TSLP: variants seen among roughly 807,000 people sequenced by gnomAD.
TSLP encodes the protein thymic stromal lymphopoietin, also known as thymic stroma-derived lymphopoietin.
TSLP carries 12 observed loss-of-function variants against 12.4 expected under a neutral mutation model. The observed-to-expected ratio is 0.97, with a 90% CI of 0.62 to 1.57. The LOEUF is 1.57. Ranked by LOEUF, TSLP falls within the 40% of genes most tolerant of loss-of-function variation. TSLP has a pLI of 0.00. For missense variants in TSLP, 222 were observed against 189.6 expected, an observed-to-expected ratio of 1.17 and a Z score of -1.00; for synonymous variants, 97 against 69.5, an observed-to-expected ratio of 1.40 and a Z score of -1.97.
At position 111,071,879 on chromosome 5, in the gene TSLP, G is replaced by C; in HGVS notation, c.-12G>C. On this transcript the variant is annotated 5_prime_UTR_variant, in exon 1 of 4. Transcript: ENST00000344895. ...TTTAGTGTGAAACTGGGGTGGAATTGGGTGTCCACGTATGTTCCCTTTTGC... is the reference window on the plus strand; with the variant it reads ...TTTAGTGTGAAACTGGGGTGGAATTCGGTGTCCACGTATGTTCCCTTTTGC... 5.0e-6 allele frequency: 8 copies of C among 1,611,068 alleles called. No individual in the cohort carries two copies. The highest frequency in any genetic ancestry group is 5.9e-6 in the Non-Finnish European group (7 of 1,177,584).
At chr5:111,074,642 T>C (rs917535129) in intron 3 of TSLP, among the ~76,000 whole-genome samples, 1 of 150,106 alleles carries the variant, frequency 6.7e-6, no homozygotes, top group East Asian at 1.9e-4. Context: ...TTTTTTTTTT[T>C]TTTTTTGAGA....
Position 111,075,952 on chromosome 5 carries a change from G to A in TSLP, c.358G>A (p.Ala120Thr). 1 of 1,612,874 alleles carries A rather than the reference G, an allele frequency of 6.2e-7. No homozygotes were observed. Among genetic ancestry groups the A allele is most frequent in the Non-Finnish European group, 8.5e-7 (1 of 1,179,714 alleles). The change falls in exon 4 of 4, where the codon GCT (alanine) becomes ACT (threonine). Residue 120 changes from alanine (A) to threonine (T), a missense_variant. Ala to Thr is a moderately conservative substitution (Grantham distance 58, BLOSUM62 0). Transcript: ENST00000344895. ...TGATTCTTATATTCTGCAGATAAAT[G>A]CTACTCAGGCAATGAAGAAGAGGAG... is the stretch of plus-strand genomic sequence containing the variant. The part of the protein sequence containing the change: ...CPGYSETQIN[A>T]TQAMKKRRKR...
Position 111,076,204 on chromosome 5 carries a change from AACTT to A in TSLP, c.*135_*138del. On this transcript the variant is annotated 3_prime_UTR_variant, in exon 4 of 4. Transcript: ENST00000344895. ...TCTTTTAATTACAGAAGAGTTTCTT[AACTT>A]ACTTTTGTAAGTTTTTATTGTGTAA... is the stretch of plus-strand genomic sequence containing the variant. 1.7e-6 allele frequency: 2 copies of A among 1,143,060 alleles called. No individual in the cohort carries two copies. The allele number at this position is 1,143,060 out of a possible 1,614,324, so 70.8% of individuals were successfully genotyped here.
chr5:111,076,012 C>A lies in TSLP; in HGVS notation c.418C>A (p.Gln140Lys), dbSNP rs372152752. The change falls in exon 4 of 4, where the codon CAA becomes AAA. Residue 140 changes from glutamine (Q) to lysine (K), a missense_variant. Gln to Lys is a moderately conservative substitution (Grantham distance 53). Coordinates refer to ENST00000344895, the MANE Select transcript of TSLP (RefSeq NM_033035.5). ...AGTCACAACCAATAAATGTCTGGAACAAGTGTCACAATTACAAGGATTGTG... is the reference window on the plus strand; with the variant it reads ...AGTCACAACCAATAAATGTCTGGAAAAAGTGTCACAATTACAAGGATTGTG... Reference protein sequence around the residue: ...RKVTTNKCLEQVSQLQGLWRR... With the variant: ...RKVTTNKCLEKVSQLQGLWRR... 3.1e-6 allele frequency: 5 copies of A among 1,614,102 alleles called. No individual in the cohort carries two copies. Among genetic ancestry groups the A allele is most frequent in the Non-Finnish European group, 4.2e-6 (5 of 1,179,988 alleles).
rs866770629 is a variant in TSLP, at chr5:111,075,870, G to A, written c.352-76G>A. The A allele has an allele frequency of 7.4e-5, 108 of 1,462,898 alleles. No individual in the cohort carries two copies. The African/African-American group carries it at 1.2e-3, about 16-fold the overall frequency. 90.6% of individuals were successfully genotyped at this position (1,462,898 alleles called of 1,614,324 possible). On this transcript the variant is annotated intron_variant, in intron 3 of 3. Coordinates refer to ENST00000344895, the MANE Select transcript of TSLP (RefSeq NM_033035.5). The stretch of plus-strand genomic sequence containing the variant: ...CTGAAAGATGGATTTGCATAGAGAA[G>A]GCAATTAAACCTGCTCTCAACAGTT...
At chr5:111,071,613 TATA>T (rs1752339620), upstream of TSLP, 1 of 1,481,086 alleles carries the variant, frequency 6.8e-7, no homozygotes, top group African/African-American at 1.4e-5. Context: ...TTCAGAATTC[TATA>T]AAGGAAGAGA....
upstream of TSLP, chr5:111,071,459 CG>C (rs1485794874): frequency 2.0e-6 from 3 of 1,533,258 alleles, no homozygotes; most frequent in African/African-American, 2.8e-5. Flanking sequence ...CACTGGTATC[CG>C]TTTCTTAAAG....
In TSLP at chr5:111,073,654, G is replaced by A; in HGVS notation, c.351+9G>A. The A allele has an allele frequency of 1.2e-6, 2 of 1,614,090 alleles. No individual in the cohort carries two copies. Among genetic ancestry groups the A allele is most frequent in the Admixed American group, 1.7e-5 (1 of 60,016 alleles). On this transcript the variant is annotated intron_variant, in intron 3 of 3. Transcript: ENST00000344895. ...GCTATTCGGAAACTCAGGTAAGCCC[G>A]AAGCCTCAGACGTTTGCTGTACCTT...
In TSLP at chr5:111,076,586, G is replaced by A. The variant is rs981805231; in HGVS notation, c.*512G>A. ...AATTTTCAAGCAAAGTATTGTGAAA[G>A]TATTCTAAGCCAAGTTTTAAATATT... On this transcript the variant is annotated 3_prime_UTR_variant, in exon 4 of 4. Transcript: ENST00000344895. 3 of 154,994 alleles carry A rather than the reference G, an allele frequency of 1.9e-5. No homozygotes were observed. The highest frequency in any genetic ancestry group is 7.2e-5 in the African/African-American group (3 of 41,474). The allele number at this position is 154,994 out of a possible 1,614,324, so 9.6% of individuals were successfully genotyped here.
In TSLP at chr5:111,076,341, G is replaced by C. The variant is rs1035649735; in HGVS notation, c.*267G>C. ...TCTCGGCTGTAGTTGCATAAGCATT[G>C]CTCAAGAGGAAAATCCAAAAGTGCA... On this transcript the variant is annotated 3_prime_UTR_variant, in exon 4 of 4. Coordinates refer to ENST00000344895, the MANE Select transcript of TSLP (RefSeq NM_033035.5). The C allele has an allele frequency of 2.1e-5, 8 of 373,240 alleles. No homozygotes were observed. In the Admixed American group the frequency reaches 3.8e-4, roughly 18 times the overall value. 23.1% of individuals were successfully genotyped at this position (373,240 alleles called of 1,614,324 possible).
chr5:111,071,598 A>G (rs1287708386), upstream of TSLP: 6 of 1,494,228 alleles, frequency 4.0e-6, no homozygotes, highest in Non-Finnish European at 5.3e-6. Flanking sequence ...CTTTCACATC[A>G]TCAATTCAGA....
rs904301092 is a variant in TSLP, at chr5:111,072,065, A to G, written c.171+4A>G. 1.2e-5 allele frequency: 20 copies of G among 1,602,824 alleles called. No homozygotes were observed. The highest frequency in any genetic ancestry group is 1.7e-5 in the Non-Finnish European group (20 of 1,171,872). The stretch of plus-strand genomic sequence containing the variant: ...CCTGATTACATATATGAGTGGGGTA[A>G]GTGAAGAAGCTTTTTTAAAACAAAT... On this transcript the variant is annotated splice_donor_region_variant and intron_variant, in intron 1 of 3. Transcript: ENST00000344895.
chr5:111,072,873 T>G lies in TSLP; in HGVS notation c.172-15T>G. ...AAAGTCTTTACCCTCTTTGTCCTATTTTTCTTTCTTCCAGACCAAAAGTAC... is the reference window on the plus strand; with the variant it reads ...AAAGTCTTTACCCTCTTTGTCCTATGTTTCTTTCTTCCAGACCAAAAGTAC... On this transcript the variant is annotated splice_polypyrimidine_tract_variant and intron_variant, in intron 1 of 3. Coordinates refer to ENST00000344895, the MANE Select transcript of TSLP (RefSeq NM_033035.5). 6.2e-7 allele frequency: 1 copy of G among 1,614,120 alleles called. No homozygotes were observed. The highest frequency in any genetic ancestry group is 1.1e-5 in the South Asian group (1 of 91,084).
upstream of TSLP, chr5:111,070,808 C>A (rs1752322517): frequency 6.6e-6 from 1 of 152,238 alleles, no homozygotes; most frequent in African/African-American, 2.4e-5. Context: ...TAAGCCTCTG[C>A]GAGGCAGAGC....
At position 111,073,644 on chromosome 5, in the gene TSLP, A is replaced by G; in HGVS notation, c.350A>G (p.Gln117Arg). The change falls in exon 3 of 4, where the codon CAG becomes CGG. Residue 117 changes from glutamine (Q) to arginine (R), a missense_variant and splice_region_variant. Transcript: ENST00000344895. ...AIWCPGYSETQINATQAMKKR... is the reference protein window; with the variant it reads ...AIWCPGYSETRINATQAMKKR... ...TGGTGCCCAGGCTATTCGGAAACTC[A>G]GGTAAGCCCGAAGCCTCAGACGTTT... The G allele has an allele frequency of 1.2e-6, 2 of 1,614,198 alleles. No homozygotes were observed. The highest frequency in any genetic ancestry group is 8.5e-7 in the Non-Finnish European group (1 of 1,180,020).
In TSLP at chr5:111,072,173, G is replaced by GC. The variant is rs1282675341; in HGVS notation, c.171+116dup. On this transcript the variant is annotated intron_variant, in intron 1 of 3. Coordinates refer to ENST00000344895, the MANE Select transcript of TSLP (RefSeq NM_033035.5). ...GAAAAATAATTTAGAAAAAATCATG[G>GC]CCCCACATTTTGTCAAGGATTCTTA... 15 of 899,760 alleles carry GC rather than the reference G, an allele frequency of 1.7e-5. No homozygotes were observed. In the East Asian group the frequency reaches 3.4e-4, roughly 21 times the overall value. The allele number at this position is 899,760 out of a possible 1,614,324, so 55.7% of individuals were successfully genotyped here. A position where few individuals can be genotyped will look rare whatever the true frequency, so the allele number is the denominator to read the frequency against.
chr5:111,071,427 G>C, upstream of TSLP: 1 of 1,515,852 alleles, frequency 6.6e-7, no homozygotes, highest in South Asian at 1.3e-5. Context: ...ATTGGTCACG[G>C]AAATGCCCTG....
intron 3 of TSLP, 125 bp downstream of exon 3, chr5:111,073,770 G>T: frequency 1.8e-6 from 2 of 1,108,682 alleles, no homozygotes; most frequent in Non-Finnish European, 2.6e-6. Context: ...CAAACGAGCC[G>T]GGTAAAAGTG....
At chr5:111,072,990 G>C (rs913265770) in intron 2 of TSLP, 58 bp downstream of exon 2, 1 of 1,594,734 alleles carries the variant, frequency 6.3e-7, no homozygotes, top group African/African-American at 1.3e-5. Flanking sequence ...GCATTTTGGA[G>C]AGGGAGTATC....
Sources: gnomAD v4.1 joint callset for allele counts (sites outside exome capture counted in the v4.1 genomes callset) on GRCh38, gnomAD v4.1.1 for gene constraint, MANE v1.5 for transcripts, NCBI Gene and HGNC (gene_info 2026-07-23, HGNC 2026-07-21) for gene names.